Variants in IKZF2 observed in about 807,000 individuals in gnomAD.
The protein encoded by IKZF2 is IKAROS family zinc finger 2.
Under a neutral mutation model 49.2 loss-of-function variants are expected in IKZF2, and 15 were observed. That is an observed-to-expected ratio of 0.30 (90% CI 0.20 to 0.47). The LOEUF is 0.47. Ranked by LOEUF, IKZF2 falls within the 20% of genes least tolerant of loss-of-function variation. The pLI, the probability that IKZF2 is intolerant of heterozygous loss-of-function variation, is 1.00. For missense variants in IKZF2, 567 were observed against 664.6 expected (o/e 0.85, Z 1.61); for synonymous variants, 227 against 221.4 (o/e 1.03, Z -0.23).
intron 6 of IKZF2, among the ~76,000 whole-genome samples, chr2:213,024,635 GCAGGATTT>G (rs1475127669): frequency 6.6e-6 from 1 of 151,990 alleles, no homozygotes; most frequent in East Asian, 1.9e-4. Context: ...GGGTGGAAAG[GCAGGATTT>G]CAGGATTTCT....
chr2:213,114,598 C>T (rs958786193), intron 4 of IKZF2, among the ~76,000 whole-genome samples: 1 of 152,066 alleles, frequency 6.6e-6, no homozygotes, highest in African/African-American at 2.4e-5. Context: ...TGAACAGTAA[C>T]TGATTTAATA....
chr2:213,117,700 G>A (rs918294094), intron 4 of IKZF2, among the ~76,000 whole-genome samples: 5 of 152,126 alleles, frequency 3.3e-5, no homozygotes, highest in Admixed American at 6.5e-5. Flanking sequence ...CAATACTTCC[G>A]TTTCCCACTC....
chr2:213,110,120 T>C (rs1237162509), intron 4 of IKZF2, among the ~76,000 whole-genome samples: 1 of 152,058 alleles, frequency 6.6e-6, no homozygotes. Context: ...ACTTTCAGTC[T>C]CACCCTATAG....
intron 4 of IKZF2, among the ~76,000 whole-genome samples, chr2:213,101,026 A>G (rs1706599317): frequency 6.6e-6 from 1 of 151,952 alleles, no homozygotes; most frequent in African/African-American, 2.4e-5. Flanking sequence ...GTAGAAAGAG[A>G]GAGAGAAAGA....
chr2:213,082,015 CT>C (rs1331685326), intron 4 of IKZF2, among the ~76,000 whole-genome samples: 20 of 152,010 alleles, frequency 1.3e-4, no homozygotes, highest in African/African-American at 4.6e-4. Context: ...CTTTATAGAC[CT>C]AAAGAAAGGT....
chr2:213,055,775 G>A (rs1034407808), intron 5 of IKZF2, among the ~76,000 whole-genome samples: 5 of 151,972 alleles, frequency 3.3e-5, no homozygotes, highest in East Asian at 1.9e-4. Flanking sequence ...TGAAAGGTTC[G>A]TATTAAAAAA....
intron 6 of IKZF2, among the ~76,000 whole-genome samples, chr2:213,044,862 A>G (rs1025163707): frequency 1.3e-5 from 2 of 152,230 alleles, no homozygotes; most frequent in East Asian, 1.9e-4. Context: ...GGACAATACT[A>G]AGACCATTAG....
chr2:213,123,353 T>C (rs1436790433), intron 4 of IKZF2, among the ~76,000 whole-genome samples: 1 of 152,224 alleles, frequency 6.6e-6, no homozygotes, highest in East Asian at 1.9e-4. Flanking sequence ...CAAAATTCTA[T>C]GCACAAAGTC....
chr2:213,129,556 G>C (rs916002766), intron 4 of IKZF2, among the ~76,000 whole-genome samples: 2 of 151,844 alleles, frequency 1.3e-5, no homozygotes, highest in African/African-American at 4.8e-5. Context: ...AGAGATGGAG[G>C]CAGGGCCACA....
At chr2:213,113,420 C>T (rs1455114140) in intron 4 of IKZF2, among the ~76,000 whole-genome samples, 2 of 152,064 alleles carry the variant, frequency 1.3e-5, no homozygotes, top group African/African-American at 2.4e-5. Context: ...TTTTTTGGGG[C>T]CTCTTCAAAG....
At chr2:213,098,804 C>T (rs1314739351) in intron 4 of IKZF2, among the ~76,000 whole-genome samples, 1 of 152,120 alleles carries the variant, frequency 6.6e-6, no homozygotes, top group Non-Finnish European at 1.5e-5. Flanking sequence ...TCCAGCTTCC[C>T]GGCCTTCCAA....
intron 4 of IKZF2, among the ~76,000 whole-genome samples, chr2:213,146,206 G>A (rs1471745273): frequency 6.6e-6 from 1 of 152,022 alleles, no homozygotes; most frequent in Non-Finnish European, 1.5e-5. Context: ...TGAGTTATCT[G>A]AGAAATAAAA....
At chr2:213,097,936 TA>T (rs1408260850) in intron 4 of IKZF2, 2 of 295,982 alleles carry the variant, frequency 6.8e-6, no homozygotes, top group African/African-American at 2.2e-5. Flanking sequence ...AGGACACTTC[TA>T]ATTCTATATT....
chr2:213,098,693 A>G (rs1234962216), intron 4 of IKZF2, among the ~76,000 whole-genome samples: 1 of 152,144 alleles, frequency 6.6e-6, no homozygotes, highest in Non-Finnish European at 1.5e-5. Context: ...GAATAGAATC[A>G]CCGCCTTAGG....
At chr2:213,149,651 A>C (rs935200502) in intron 2 of IKZF2, among the ~76,000 whole-genome samples, 2 of 152,000 alleles carry the variant, frequency 1.3e-5, no homozygotes, top group African/African-American at 2.4e-5. Context: ...ATTGATCGCC[A>C]AGTATATTTA....
At chr2:213,019,952 T>C (rs1311556614) in intron 7 of IKZF2, among the ~76,000 whole-genome samples, 9 of 152,214 alleles carry the variant, frequency 5.9e-5, no homozygotes, top group Admixed American at 3.9e-4. Context: ...ATGTTGATTA[T>C]AATAATTTAT....
intron 4 of IKZF2, among the ~76,000 whole-genome samples, chr2:213,113,628 T>C (rs550209436): frequency 2.0e-5 from 3 of 152,320 alleles, no homozygotes; most frequent in Admixed American, 2.0e-4. Flanking sequence ...AGAACCATGT[T>C]TCAAAGTTAA....
intron 4 of IKZF2, among the ~76,000 whole-genome samples, chr2:213,114,093 A>G (rs561134839): frequency 1.3e-5 from 2 of 152,308 alleles, no homozygotes; most frequent in South Asian, 4.1e-4. Flanking sequence ...TTGAGTTCAA[A>G]TAATAGCTGA....
chr2:213,002,792 G>A lies in IKZF2; in HGVS notation c.*4568C>T, dbSNP rs1024249047. 8 of 151,860 alleles carry A rather than the reference G, an allele frequency of 5.3e-5. No individual in the cohort carries two copies. Among genetic ancestry groups the A allele is most frequent in the African/African-American group, 1.9e-4 (8 of 41,338 alleles). 9.4% of individuals were successfully genotyped at this position (151,860 alleles called of 1,614,324 possible). On this transcript the variant is annotated 3_prime_UTR_variant, in exon 9 of 9. Transcript: ENST00000434687. ...AGATTCCAAGACTAGAACAATACTA[G>A]TCTGGAGATGAAAATCCAAATGAAT...
Sources: allele counts gnomAD v4.1 joint callset (sites outside exome capture counted in the v4.1 genomes callset), GRCh38; gene constraint gnomAD v4.1.1; transcripts MANE v1.5; gene names NCBI Gene and HGNC (gene_info 2026-07-23, HGNC 2026-07-21).